Variants in TRPS1 observed in about 807,000 individuals in gnomAD.
The protein encoded by TRPS1 is transcriptional repressor GATA binding 1.
TRPS1 carries 6 observed loss-of-function variants against 101.2 expected under a neutral mutation model. The observed-to-expected ratio is 0.06, with a 90% confidence interval of 0.03 to 0.12. TRPS1 has a LOEUF of 0.12. Ranked by LOEUF, TRPS1 falls within the 10% of genes least tolerant of loss-of-function variation. The pLI, the probability that TRPS1 is intolerant of heterozygous loss-of-function variation, is 1.00. For missense variants in TRPS1, 1,363 were observed against 1,567.0 expected (o/e 0.87, Z 2.20); for synonymous variants, 578 against 589.8 (o/e 0.98, Z 0.29).
intron 5 of TRPS1, among the ~76,000 whole-genome samples, chr8:115,472,736 C>T (rs181640569): frequency 1.2e-4 from 18 of 152,290 alleles, no homozygotes; most frequent in Non-Finnish European, 1.9e-4. Context: ...ACACCCAAGT[C>T]ACCTCTTGAA....
At chr8:115,532,875 T>C (rs1816168960) in intron 5 of TRPS1, among the ~76,000 whole-genome samples, 1 of 152,138 alleles carries the variant, frequency 6.6e-6, no homozygotes, top group South Asian at 2.1e-4. Flanking sequence ...AGAAGGGTTT[T>C]ATTCAAGAGC....
At chr8:115,480,813 A>G (rs1304632841) in intron 5 of TRPS1, among the ~76,000 whole-genome samples, 2 of 152,152 alleles carry the variant, frequency 1.3e-5, no homozygotes, top group Non-Finnish European at 2.9e-5. Context: ...ATCTAGCATA[A>G]TTAGTTAACA....
At position 115,619,784 on chromosome 8, in the gene TRPS1, C is replaced by A. The variant is rs1471963361; in HGVS notation, c.314G>T (p.Ser105Ile). 6.2e-7 allele frequency: 1 copy of A among 1,614,202 alleles called. No individual in the cohort carries two copies. The highest frequency in any genetic ancestry group is 1.1e-5 in the South Asian group (1 of 91,088). The stretch of plus-strand genomic sequence containing the variant: ...AAAGGAGGGAAAGTTTCCTCCCTTA[C>A]TGGGGCTTTCATAATTGAAGCCAGC... ...EKAGFNYESP[S>I]KGGNFPSFPH... Residue 105 changes from serine to isoleucine, a missense_variant, in exon 3 of 7, where the codon AGT becomes ATT. By Grantham distance (142) the Ser-to-Ile change is moderately radical (BLOSUM62 -2). This residue lies in a region of TRPS1 where 1,020 missense variants were observed against 1,073.0 expected (regional missense o/e 0.95). Coordinates refer to ENST00000395715, the MANE Select transcript of TRPS1 (RefSeq NM_014112.5).
intron 4 of TRPS1, among the ~76,000 whole-genome samples, chr8:115,603,182 T>C (rs1441692040): frequency 6.6e-6 from 1 of 152,148 alleles, no homozygotes. Flanking sequence ...TTATAAAAGA[T>C]TAACTGGGAA....
chr8:115,611,633 G>A (rs1818168794), intron 3 of TRPS1, among the ~76,000 whole-genome samples: 1 of 152,218 alleles, frequency 6.6e-6, no homozygotes, highest in Non-Finnish European at 1.5e-5. Flanking sequence ...GAGCTGATAT[G>A]TGAAGGTTAG....
intron 5 of TRPS1, among the ~76,000 whole-genome samples, chr8:115,421,077 C>T (rs748248973): frequency 7.9e-5 from 12 of 151,886 alleles, no homozygotes; most frequent in Admixed American, 2.0e-4. Context: ...CTCCACCTCC[C>T]GGGTTCAAGC....
chr8:115,606,074 G>A (rs1818031227), intron 3 of TRPS1, among the ~76,000 whole-genome samples: 2 of 152,146 alleles, frequency 1.3e-5, no homozygotes, highest in Non-Finnish European at 2.9e-5. Flanking sequence ...TAAGCAAGTG[G>A]CATAATCATC....
chr8:115,440,095 A>T (rs549533732), intron 5 of TRPS1, among the ~76,000 whole-genome samples: 138 of 152,360 alleles, frequency 9.1e-4, no homozygotes, highest in South Asian at 2.3e-3. Context: ...TACGGAAAGC[A>T]AACGCTAGCT....
In TRPS1 at chr8:115,414,246, C is replaced by G. The variant is rs1414799223; in HGVS notation, c.3662G>C (p.Ser1221Thr). The G allele has an allele frequency of 3.1e-6, 5 of 1,613,874 alleles. No individual in the cohort carries two copies. The highest frequency in any genetic ancestry group is 4.2e-6 in the Non-Finnish European group (5 of 1,179,952). Residue 1221 changes from serine (S) to threonine (T), a missense_variant, in exon 7 of 7, where the codon AGT becomes ACT. Physicochemically the swap from Ser to Thr is moderately conservative, Grantham distance 58. Coordinates refer to ENST00000395715, the MANE Select transcript of TRPS1 (RefSeq NM_014112.5). The surrounding 1 kb of genome is among the most constrained non-coding windows in gnomAD (Gnocchi z 4.8). ...TTTTGTTGAAAGTTCATCTTGAGTA[C>G]TTCTATCAACTTTCTCTGTTTTTAC... ...NVVKTEKVDR[S>T]TQDELSTKCV...
chr8:115,627,098 A>T (rs1048670368), intron 1 of TRPS1, among the ~76,000 whole-genome samples: 7 of 151,692 alleles, frequency 4.6e-5, no homozygotes, highest in African/African-American at 1.4e-4. Flanking sequence ...TATATATATA[A>T]AAAGAATGCA....
intron 5 of TRPS1, among the ~76,000 whole-genome samples, chr8:115,549,183 T>C (rs773487584): frequency 6.6e-6 from 1 of 152,188 alleles, no homozygotes; most frequent in Non-Finnish European, 1.5e-5. Context: ...ATCAATAAAT[T>C]CATTAAAAAA....
At chr8:115,480,840 A>C (rs933006763) in intron 5 of TRPS1, among the ~76,000 whole-genome samples, 2 of 152,112 alleles carry the variant, frequency 1.3e-5, no homozygotes, top group Non-Finnish European at 2.9e-5. Flanking sequence ...GCTGTTGTGT[A>C]ATTTTTCATG....
intron 4 of TRPS1, among the ~76,000 whole-genome samples, chr8:115,599,324 GA>G (rs1376572820): frequency 2.0e-5 from 3 of 151,754 alleles, no homozygotes; most frequent in Admixed American, 2.0e-4. Flanking sequence ...TGGTGATCTT[GA>G]TTTTTTTTTA....
chr8:115,605,508 C>T, intron 3 of TRPS1, among the ~76,000 whole-genome samples: 1 of 152,068 alleles, frequency 6.6e-6, no homozygotes, highest in Non-Finnish European at 1.5e-5. Context: ...AAGATGAGGT[C>T]TCTGTTTTAG....
intron 1 of TRPS1, among the ~76,000 whole-genome samples, chr8:115,663,155 A>C (rs577694140): frequency 1.3e-5 from 2 of 152,282 alleles, no homozygotes; most frequent in African/African-American, 4.8e-5. Flanking sequence ...GCTCAGCAGG[A>C]AAGATTTTTA....
chr8:115,523,834 T>A (rs1323529707), intron 5 of TRPS1, among the ~76,000 whole-genome samples: 1 of 152,160 alleles, frequency 6.6e-6, no homozygotes, highest in Non-Finnish European at 1.5e-5. Flanking sequence ...GTTACTCAAA[T>A]GAAGTGAATT....
intron 5 of TRPS1, among the ~76,000 whole-genome samples, chr8:115,563,386 A>G (rs895667430): frequency 6.6e-5 from 10 of 152,072 alleles, no homozygotes; most frequent in Non-Finnish European, 1.5e-4. Context: ...AACCCCTTAC[A>G]AAATACTTAT....
At chr8:115,649,613 T>C (rs1563669864) in intron 1 of TRPS1, among the ~76,000 whole-genome samples, 1 of 152,236 alleles carries the variant, frequency 6.6e-6, no homozygotes, top group East Asian at 1.9e-4. Context: ...AGCCTTTCCC[T>C]GGTCAACCTA....
intron 5 of TRPS1, among the ~76,000 whole-genome samples, chr8:115,538,607 T>A (rs1023571494): frequency 2.9e-5 from 4 of 137,860 alleles, no homozygotes; most frequent in East Asian, 2.3e-4. Context: ...AAAAAAAAAA[T>A]GAGCTTCCAA....
Sources: gnomAD v4.1 joint callset for allele counts (sites outside exome capture counted in the v4.1 genomes callset) on GRCh38, gnomAD v4.1.1 for gene constraint, gnomAD v4.1.1 regional missense constraint, Gnocchi (gnomAD v3.1) non-coding constraint, MANE v1.5 for transcripts, NCBI Gene and HGNC (gene_info 2026-07-23, HGNC 2026-07-21) for gene names.